The following IFT52 variants were observed in gnomAD, a reference collection of about 807,000 sequenced individuals.
IFT52 encodes intraflagellar transport protein 52 homolog.
IFT52 carries 44 observed loss-of-function variants against 54.4 expected under a neutral mutation model. The observed-to-expected ratio is 0.81, with a 90% CI of 0.63 to 1.04. The LOEUF (loss-of-function observed/expected upper bound fraction) is 1.04, where lower values mean the gene tolerates loss of function less well. IFT52 is among the 50% of genes least tolerant of loss of function. IFT52 has a pLI of 0.00. For synonymous variants in IFT52, 181 were observed against 185.3 expected, an observed-to-expected ratio of 0.98 and a Z score of 0.19; for missense variants, 452 against 523.6, an observed-to-expected ratio of 0.86 and a Z score of 1.33.
intron 6 of IFT52, 130 bp from the exon 7 acceptor site, chr20:43,613,720 G>T: frequency 1.2e-6 from 1 of 852,648 alleles, no homozygotes; most frequent in Admixed American, 2.2e-5. Flanking sequence ...TCGCACCACT[G>T]CACTGCAGCC....
intron 6 of IFT52, among the ~76,000 whole-genome samples, chr20:43,611,936 AG>A (rs1983482777): frequency 6.6e-6 from 1 of 151,884 alleles, no homozygotes; most frequent in African/African-American, 2.4e-5. Flanking sequence ...AGGCTGAGGC[AG>A]GGGAATTGCC....
chr20:43,629,910 T>G (rs1985038825), intron 10 of IFT52, among the ~76,000 whole-genome samples: 1 of 152,228 alleles, frequency 6.6e-6, no homozygotes, highest in Non-Finnish European at 1.5e-5. Context: ...GTGATTTGCT[T>G]GAAATCACAC....
At chr20:43,617,318 T>C (rs938897525) in intron 7 of IFT52, among the ~76,000 whole-genome samples, 1 of 152,218 alleles carries the variant, frequency 6.6e-6, no homozygotes, top group Non-Finnish European at 1.5e-5. Flanking sequence ...TTATATCATA[T>C]TTTCATATTT....
intron 9 of IFT52, among the ~76,000 whole-genome samples, chr20:43,622,763 A>G (rs1482540086): frequency 1.8e-5 from 1 of 54,884 alleles, no homozygotes; most frequent in African/African-American, 1.1e-4. Context: ...ATAAATATAT[A>G]CAAATTGTGT....
chr20:43,626,701 TATG>T lies in IFT52; in HGVS notation c.923+2660_923+2662del, dbSNP rs1237971893. On this transcript the variant is annotated intron_variant, in intron 10 of 13. Transcript: ENST00000373030. ...TTTTTTCTTTCAATGGACCATAAATTATGATGCATCTTACCTTTGGTGGATTCT... is the reference window on the plus strand; with the variant it reads ...TTTTTTCTTTCAATGGACCATAAATTATGCATCTTACCTTTGGTGGATTCT... 2.0e-5 allele frequency among the ~76,000 whole-genome samples: 3 copies of T among 152,140 alleles called. No individual in the cohort carries two copies. The East Asian group carries it at 5.8e-4, about 29-fold the overall frequency.
intron 12 of IFT52, among the ~76,000 whole-genome samples, chr20:43,639,513 A>G (rs1985769097): frequency 6.6e-6 from 1 of 152,198 alleles, no homozygotes; most frequent in African/African-American, 2.4e-5. Context: ...TCTACTAAAA[A>G]TACAAAATTA....
intron 6 of IFT52, among the ~76,000 whole-genome samples, chr20:43,608,475 A>G (rs1983153403): frequency 6.6e-6 from 1 of 152,106 alleles, no homozygotes; most frequent in Admixed American, 6.6e-5. Context: ...CTTCATGTTC[A>G]TTGCTTTTTG....
intron 6 of IFT52, among the ~76,000 whole-genome samples, chr20:43,607,579 G>T (rs373863110): frequency 1.2e-4 from 18 of 146,726 alleles, no homozygotes; most frequent in African/African-American, 4.6e-4. Flanking sequence ...ATGGGCGGCC[G>T]GGCAGAGATG....
chr20:43,627,604 T>C (rs1984823723), intron 10 of IFT52, among the ~76,000 whole-genome samples: 1 of 152,210 alleles, frequency 6.6e-6, no homozygotes, highest in Non-Finnish European at 1.5e-5. Flanking sequence ...TCACAGGATA[T>C]TTTTATACTG....
At chr20:43,629,466 G>A (rs906181544) in intron 10 of IFT52, among the ~76,000 whole-genome samples, 1 of 152,070 alleles carries the variant, frequency 6.6e-6, no homozygotes, top group African/African-American at 2.4e-5. Flanking sequence ...TAGAGACAGG[G>A]TTTCACTGTG....
intron 10 of IFT52, among the ~76,000 whole-genome samples, chr20:43,630,231 C>G (rs1410323906): frequency 1.3e-5 from 2 of 152,216 alleles, no homozygotes; most frequent in Non-Finnish European, 2.9e-5. Context: ...TCTGACCACT[C>G]CGCTAGCCAG....
chr20:43,625,291 G>A (rs558692107), intron 10 of IFT52, among the ~76,000 whole-genome samples: 18 of 152,046 alleles, frequency 1.2e-4, no homozygotes, highest in South Asian at 2.1e-4. Context: ...TGGGAAGATC[G>A]CGAGGTCAGG....
chr20:43,612,519 C>T (rs1474472198), intron 6 of IFT52, among the ~76,000 whole-genome samples: 2 of 151,842 alleles, frequency 1.3e-5, no homozygotes, highest in Non-Finnish European at 2.9e-5. Context: ...ATGGTGAAAC[C>T]CCGTTTCTAC....
intron 7 of IFT52, among the ~76,000 whole-genome samples, chr20:43,614,897 C>T (rs1983744666): frequency 6.6e-6 from 1 of 151,632 alleles, no homozygotes; most frequent in Non-Finnish European, 1.5e-5. Flanking sequence ...CAACCTCCGC[C>T]TACCAGGTTC....
At chr20:43,615,350 C>T (rs1054002428) in intron 7 of IFT52, among the ~76,000 whole-genome samples, 1 of 152,086 alleles carries the variant, frequency 6.6e-6, no homozygotes, top group Admixed American at 6.6e-5. Flanking sequence ...GCCCCCACTG[C>T]GTTTTAATTC....
intron 12 of IFT52, among the ~76,000 whole-genome samples, chr20:43,641,030 CAAA>C (rs10523117): frequency 3.0e-4 from 27 of 90,354 alleles, no homozygotes; most frequent in African/African-American, 7.2e-4. Context: ...AACCTTGTCT[CAAA>C]AAAAAAAAAA....
At chr20:43,604,957 C>A (rs747756326) in intron 5 of IFT52, 45 bp from the exon 6 acceptor site, 13 of 1,599,764 alleles carry the variant, frequency 8.1e-6, no homozygotes, top group Admixed American at 6.7e-5. Context: ...GTGTGAAATT[C>A]TCAAATTTTT....
At position 43,614,060 on chromosome 20, in the gene IFT52, C is replaced by T. The variant is rs4473450; in HGVS notation, c.612+84C>T. The T allele has an allele frequency of 0.79, 1,023,046 of 1,299,002 alleles. 404,038 individuals are homozygous for T. The highest frequency in any genetic ancestry group is 0.8 in the Middle Eastern group (4,220 of 5,258). 80.5% of individuals were successfully genotyped at this position (1,299,002 alleles called of 1,614,324 possible). A position where few individuals can be genotyped will look rare whatever the true frequency, so the allele number is the denominator to read the frequency against. On this transcript the variant is annotated intron_variant, in intron 7 of 13. Transcript: ENST00000373030. ...CCACCTTACCATTTCCAGAAGGCTT[C>T]TATATGTTTTCTCACTGGTCTTCCT... is the stretch of plus-strand genomic sequence containing the variant.
chr20:43,608,380 CTTTCT>C, intron 6 of IFT52, among the ~76,000 whole-genome samples: 1 of 152,220 alleles, frequency 6.6e-6, no homozygotes, highest in Non-Finnish European at 1.5e-5. Context: ...CATCGTATCT[CTTTCT>C]TTTAATTTGC....
Sources: allele counts gnomAD v4.1 joint callset (sites outside exome capture counted in the v4.1 genomes callset), GRCh38; gene constraint gnomAD v4.1.1; transcripts MANE v1.5; gene names NCBI Gene and HGNC (gene_info 2026-07-23, HGNC 2026-07-21).